CDH23: variants seen among roughly 807,000 people sequenced by gnomAD.
The protein encoded by CDH23 is cadherin related 23, also known as cadherin-23.
Under a neutral mutation model 317.1 loss-of-function variants are expected in CDH23, and 189 were observed. The observed-to-expected ratio is 0.60, with a 90% CI of 0.53 to 0.67. The LOEUF is 0.67. CDH23 is among the 30% of genes least tolerant of loss of function. The probability of loss-of-function intolerance (pLI) is 0.00; values close to 1 mark genes in which losing one functional copy is unlikely to be tolerated. For missense variants in CDH23, 4,401 were observed against 4,592.4 expected, an observed-to-expected ratio of 0.96 and a Z score of 1.20; for synonymous variants, 1,839 against 1,876.8, an observed-to-expected ratio of 0.98 and a Z score of 0.52.
At chr10:71,422,773 G>A (rs879875606) in intron 1 of CDH23, among the ~76,000 whole-genome samples, 15 of 152,170 alleles carry the variant, frequency 9.9e-5, no homozygotes, top group Non-Finnish European at 2.1e-4. Flanking sequence ...CTCTCCATGT[G>A]CTTGATCTGC....
intron 9 of CDH23, among the ~76,000 whole-genome samples, chr10:71,591,344 A>G (rs1033358806): frequency 6.6e-6 from 1 of 152,232 alleles, no homozygotes; most frequent in African/African-American, 2.4e-5. Flanking sequence ...ATTCTCTTAC[A>G]GAATTTCCAT....
At chr10:71,502,588 A>G (rs1344962235) in intron 3 of CDH23, among the ~76,000 whole-genome samples, 1 of 152,220 alleles carries the variant, frequency 6.6e-6, no homozygotes, top group Non-Finnish European at 1.5e-5. Context: ...GAATCCATGC[A>G]GGGGCCTGGT....
Position 71,702,066 on chromosome 10 carries a change from G to A in CDH23, c.2442G>A (p.Val814=), listed in dbSNP as rs374387579. Residue 814 remains valine, a synonymous_variant, in exon 23 of 70, where the codon GTG becomes GTA. Transcript: ENST00000224721. The part of the protein sequence containing the change: ...DPDLGENGTL[V]YSIQPPNKFY... Reference sequence around the variant, plus strand: ...ACCTGGGGGAGAATGGCACCCTGGTGTACAGCATCCAGCCACCCAACAAGT... The same window carrying A: ...ACCTGGGGGAGAATGGCACCCTGGTATACAGCATCCAGCCACCCAACAAGT... 2.5e-6 allele frequency: 4 copies of A among 1,613,858 alleles called. No individual in the cohort carries two copies. Among genetic ancestry groups the A allele is most frequent in the African/African-American group, 1.3e-5 (1 of 75,046 alleles).
chr10:71,571,029 C>T (rs1051045047), intron 8 of CDH23, 111 bp downstream of exon 8: 59 of 1,238,028 alleles, frequency 4.8e-5, no homozygotes, highest in Middle Eastern at 1.9e-4. Flanking sequence ...TTGGCTCCTC[C>T]GCAGTCCCTG....
At chr10:71,679,627 G>T in intron 17 of CDH23, 135 bp downstream of exon 17, 1 of 709,790 alleles carries the variant, frequency 1.4e-6, no homozygotes, top group Non-Finnish European at 2.4e-6. Context: ...AAGCTGCCCG[G>T]AGCACCTGGG....
At chr10:71,609,981 TG>T (rs1860769222) in intron 9 of CDH23, among the ~76,000 whole-genome samples, 1 of 132,210 alleles carries the variant, frequency 7.6e-6, no homozygotes, top group Non-Finnish European at 1.7e-5. Context: ...TGTGTGTGTG[TG>T]TGTGTGTGTG....
intron 17 of CDH23, among the ~76,000 whole-genome samples, chr10:71,680,753 AAAAAAAAAAAG>A (rs1361290808): frequency 1.4e-5 from 2 of 145,402 alleles, no homozygotes; most frequent in African/African-American, 5.0e-5. Flanking sequence ...TCTCAAAAAA[AAAAAAAAAAAG>A]AAAAAGAAAT....
intron 19 of CDH23, among the ~76,000 whole-genome samples, chr10:71,689,496 GCC>G (rs1246785520): frequency 6.6e-6 from 1 of 152,132 alleles, no homozygotes; most frequent in African/African-American, 2.4e-5. Flanking sequence ...TGGCTCATGT[GCC>G]TGTCCTCCTG....
At chr10:71,746,765 C>G (rs939481143) in intron 38 of CDH23, among the ~76,000 whole-genome samples, 1 of 152,192 alleles carries the variant, frequency 6.6e-6, no homozygotes, top group Non-Finnish European at 1.5e-5. Context: ...TACTACTATT[C>G]CAGATAAGAA....
chr10:71,483,673 G>A (rs964164976), intron 3 of CDH23, among the ~76,000 whole-genome samples: 2 of 152,234 alleles, frequency 1.3e-5, no homozygotes, highest in South Asian at 2.1e-4. Flanking sequence ...CCTGGGCTCA[G>A]CCTTTTAGGT....
At position 71,799,211 on chromosome 10, in the gene CDH23, G is replaced by A. The variant is rs1841489549; in HGVS notation, c.7155G>A (p.Glu2385=). The part of the protein sequence containing the change: ...SDNGSPPRAA[E]IPVYLEIVDI... ...ACGGGTCCCCGCCCCGGGCAGCTGA[G>A]ATCCCTGTCTACCTGGAAATCGTGG... Residue 2385 remains glutamate, a synonymous_variant, in exon 51 of 70, where the codon GAG becomes GAA. Coordinates refer to ENST00000224721, the MANE Select transcript of CDH23 (RefSeq NM_022124.6). The A allele has an allele frequency of 6.2e-6, 10 of 1,614,056 alleles. No individual in the cohort carries two copies. The highest frequency in any genetic ancestry group is 6.8e-6 in the Non-Finnish European group (8 of 1,179,888).
chr10:71,606,796 G>T (rs1650048363), intron 9 of CDH23, among the ~76,000 whole-genome samples: 1 of 152,192 alleles, frequency 6.6e-6, no homozygotes, highest in Non-Finnish European at 1.5e-5. Context: ...AGTGACATTT[G>T]AATGGAGGCC....
chr10:71,615,505 G>T lies in CDH23; in HGVS notation c.834G>T (p.Gly278=), dbSNP rs1370197868. Residue 278 remains glycine (G), a splice_region_variant and synonymous_variant, in exon 10 of 70, where the codon GGG becomes GGT. Coordinates refer to ENST00000224721, the MANE Select transcript of CDH23 (RefSeq NM_022124.6). ...PRGIGYTIVS[G]NTNSIFALDY... Reference sequence around the variant, plus strand: ...CCTGAATGCTTCTCTCTCTTGCAGGGAATACCAACAGCATCTTTGCCCTGG... The same window carrying T: ...CCTGAATGCTTCTCTCTCTTGCAGGTAATACCAACAGCATCTTTGCCCTGG... The T allele has an allele frequency of 1.2e-6, 2 of 1,612,658 alleles. No homozygotes were observed. The highest frequency in any genetic ancestry group is 1.7e-6 in the Non-Finnish European group (2 of 1,178,824).
chr10:71,687,707 A>G lies in CDH23; in HGVS notation c.2047A>G (p.Asn683Asp). The change falls in exon 19 of 70, where the codon AAC becomes GAC. Residue 683 changes from asparagine (N) to aspartate (D), a missense_variant. Physicochemically the swap from Asn to Asp is conservative, Grantham distance 23. Coordinates refer to ENST00000224721, the MANE Select transcript of CDH23 (RefSeq NM_022124.6). ...CGCCTACTTCGTCTCCGTGGTGGAG[A>G]ACATCATGGCAGGTACAGGCTCAGG... is the stretch of plus-strand genomic sequence containing the variant. Reference protein sequence around the residue: ...KPAYFVSVVENIMAGATVLFL... With the variant: ...KPAYFVSVVEDIMAGATVLFL... The G allele has an allele frequency of 6.2e-7, 1 of 1,613,706 alleles. No individual in the cohort carries two copies. The highest frequency in any genetic ancestry group is 8.5e-7 in the Non-Finnish European group (1 of 1,179,808).
At chr10:71,734,960 G>A (rs574692540) in intron 34 of CDH23, among the ~76,000 whole-genome samples, 1 of 152,346 alleles carries the variant, frequency 6.6e-6, no homozygotes, top group East Asian at 1.9e-4. Context: ...TCCACTCCTC[G>A]ATGGCTGTGT....
intron 55 of CDH23, among the ~76,000 whole-genome samples, chr10:71,804,837 C>T (rs950923315): frequency 4.6e-5 from 7 of 152,094 alleles, no homozygotes; most frequent in African/African-American, 1.7e-4. Flanking sequence ...GTATTCTTGT[C>T]CCCTGCATTA....
intron 9 of CDH23, among the ~76,000 whole-genome samples, chr10:71,605,990 C>T (rs1027620569): frequency 4.6e-5 from 7 of 152,210 alleles, no homozygotes; most frequent in African/African-American, 9.7e-5. Flanking sequence ...CAGGGGCCGC[C>T]TCTCTGAGGC....
intron 19 of CDH23, among the ~76,000 whole-genome samples, chr10:71,688,760 G>C (rs1199834699): frequency 7.5e-6 from 1 of 133,274 alleles, no homozygotes; most frequent in African/African-American, 2.8e-5. Flanking sequence ...GGGTGGTGGA[G>C]CCAGGGATGG....
intron 8 of CDH23, among the ~76,000 whole-genome samples, chr10:71,573,966 C>T (rs1054531263): frequency 2.0e-5 from 3 of 152,198 alleles, no homozygotes; most frequent in Admixed American, 6.5e-5. Context: ...TGATCCTTCC[C>T]GGCTGCTAAT....
Sources: gnomAD v4.1 joint callset for allele counts (sites outside exome capture counted in the v4.1 genomes callset) on GRCh38, gnomAD v4.1.1 for gene constraint, MANE v1.5 for transcripts, NCBI Gene and HGNC (gene_info 2026-07-23, HGNC 2026-07-21) for gene names.